The following MAD1L1 variants were observed in gnomAD, a reference collection of about 807,000 sequenced individuals.
The protein encoded by MAD1L1 is mitotic arrest deficient 1 like 1, also known as mitotic spindle assembly checkpoint protein MAD1.
Under a neutral mutation model 96.9 loss-of-function variants are expected in MAD1L1, and 95 were observed. The ratio of observed to expected loss-of-function variants is 0.98; its 90% CI spans 0.83 to 1.16. The LOEUF (loss-of-function observed/expected upper bound fraction) is 1.16. Ranked by LOEUF, MAD1L1 falls within the 50% of genes most tolerant of loss-of-function variation. The pLI, the probability that MAD1L1 is intolerant of heterozygous loss-of-function variation, is 0.00. For missense variants in MAD1L1, 1,007 were observed against 954.4 expected (o/e 1.06, Z -0.73); for synonymous variants, 473 against 396.6 (o/e 1.19, Z -2.29).
rs985665716 is a variant in MAD1L1 at position 2,119,027 on chromosome 7, G to T, written c.1073+30125C>A. ...GGCTCGCCCCAGCCTCCAGCCCCAC[G>T]TGACGGTCTGCCTCCCAGACCCCTG... On this transcript the variant is annotated intron_variant, in intron 11 of 18. Transcript: ENST00000265854. This position sits in a 1 kb window ranked among gnomAD's most constrained non-coding sequence, Gnocchi z 4.6. Among the ~76,000 whole-genome samples the T allele has an allele frequency of 6.6e-6, 1 of 152,002 alleles. No individual in the cohort carries two copies. The highest frequency in any genetic ancestry group is 1.5e-5 in the Non-Finnish European group (1 of 67,990).
intron 11 of MAD1L1, among the ~76,000 whole-genome samples, chr7:2,095,064 G>A (rs1032486768): frequency 6.3e-4 from 95 of 151,184 alleles, no homozygotes; most frequent in Non-Finnish European, 1.8e-4. Flanking sequence ...TTTTTTTGAG[G>A]CAGAGTCTCG....
At chr7:2,012,873 GC>G (rs1472488683) in intron 13 of MAD1L1, among the ~76,000 whole-genome samples, 1 of 152,184 alleles carries the variant, frequency 6.6e-6, no homozygotes, top group East Asian at 1.9e-4. Flanking sequence ...GAGCCTCTGT[GC>G]CCACGCCCCC....
chr7:1,884,324 C>G (rs574093154), intron 18 of MAD1L1, among the ~76,000 whole-genome samples: 2 of 152,222 alleles, frequency 1.3e-5, no homozygotes, highest in Non-Finnish European at 2.9e-5. Flanking sequence ...CCAGTGCACC[C>G]CTAGCCACCG....
chr7:1,915,204 C>T (rs1788298921), intron 17 of MAD1L1, among the ~76,000 whole-genome samples: 1 of 152,170 alleles, frequency 6.6e-6, no homozygotes, highest in African/African-American at 2.4e-5. Context: ...GAACCCCCTG[C>T]CCTAATGGAT....
chr7:1,841,611 C>T (rs1205197907), intron 18 of MAD1L1, among the ~76,000 whole-genome samples: 2 of 152,234 alleles, frequency 1.3e-5, no homozygotes, highest in Admixed American at 6.5e-5. Flanking sequence ...AGTGGCCGGG[C>T]GCCTGCCTGA....
chr7:2,098,358 C>T (rs1786606568), intron 11 of MAD1L1, among the ~76,000 whole-genome samples: 1 of 152,210 alleles, frequency 6.6e-6, no homozygotes, highest in Non-Finnish European at 1.5e-5. Flanking sequence ...CCCAGGTGCT[C>T]AGTCCAGACA....
At chr7:2,179,128 G>A (rs1364184929) in intron 10 of MAD1L1, among the ~76,000 whole-genome samples, 4 of 152,252 alleles carry the variant, frequency 2.6e-5, no homozygotes, top group South Asian at 2.1e-4. Context: ...ACAGCAATCC[G>A]GGAACGTTTG....
intron 17 of MAD1L1, among the ~76,000 whole-genome samples, chr7:1,925,424 T>C (rs1789032313): frequency 6.6e-6 from 1 of 152,212 alleles, no homozygotes; most frequent in Non-Finnish European, 1.5e-5. Flanking sequence ...ACCCGAAGTT[T>C]ATAGGCTCAC....
At chr7:1,912,472 A>G (rs1049399125) in intron 17 of MAD1L1, among the ~76,000 whole-genome samples, 25 of 152,230 alleles carry the variant, frequency 1.6e-4, no homozygotes, top group Non-Finnish European at 2.8e-4. Context: ...CAGGCCCTGC[A>G]CGGAGATGCC....
At chr7:2,120,540 A>G (rs1787926250) in intron 11 of MAD1L1, among the ~76,000 whole-genome samples, 1 of 152,202 alleles carries the variant, frequency 6.6e-6, no homozygotes, top group African/African-American at 2.4e-5. Flanking sequence ...CCCCACACCC[A>G]GGGCGCTGCC....
At chr7:2,075,733 C>T (rs772692713) in intron 11 of MAD1L1, among the ~76,000 whole-genome samples, 4 of 152,216 alleles carry the variant, frequency 2.6e-5, no homozygotes, top group Non-Finnish European at 5.9e-5. Context: ...TACCGACTTT[C>T]AAGGAACAAC....
chr7:2,224,001 C>G (rs1420318359), intron 4 of MAD1L1, among the ~76,000 whole-genome samples: 2 of 152,116 alleles, frequency 1.3e-5, no homozygotes, highest in Non-Finnish European at 2.9e-5. Context: ...AGGTGTAAGC[C>G]CAGTCACCTG....
At chr7:2,172,855 C>T (rs918820525) in intron 10 of MAD1L1, among the ~76,000 whole-genome samples, 3 of 152,186 alleles carry the variant, frequency 2.0e-5, no homozygotes, top group Non-Finnish European at 2.9e-5. Flanking sequence ...CAGAGGTGCT[C>T]GAGGCTGCCC....
chr7:1,847,402 G>C (rs1333852064), intron 18 of MAD1L1: 1 of 470,772 alleles, frequency 2.1e-6, no homozygotes, highest in Admixed American at 2.3e-5. Flanking sequence ...GGGAAGATGT[G>C]GGGGGCCCGA....
At chr7:1,972,906 C>A (rs543357039) in intron 15 of MAD1L1, among the ~76,000 whole-genome samples, 1 of 152,162 alleles carries the variant, frequency 6.6e-6, no homozygotes, top group Non-Finnish European at 1.5e-5. Context: ...ACCTCCTCCC[C>A]CACACGGGCA....
intron 9 of MAD1L1, 99 bp downstream of exon 9, chr7:2,215,786 G>A: frequency 9.3e-7 from 1 of 1,078,024 alleles, no homozygotes; most frequent in South Asian, 1.3e-5. Context: ...CAACCTCCAT[G>A]TTGTAGGTGA....
Position 2,225,509 on chromosome 7 carries a change from G to A in MAD1L1, c.192C>T (p.Leu64=), listed in dbSNP as rs373521084. 1.2e-6 allele frequency: 2 copies of A among 1,613,914 alleles called. No homozygotes were observed. Among genetic ancestry groups the A allele is most frequent in the Non-Finnish European group, 1.7e-6 (2 of 1,179,964 alleles). The change falls in exon 4 of 19, where the codon CTC becomes CTT. Residue 64 remains leucine (L), a synonymous_variant. Transcript: ENST00000265854. ...RAEQIRSKSH[L]IQVEREKMQM... Reference sequence around the variant, plus strand: ...GCATTTTCTCCCGCTCCACCTGGATGAGGTGGGACTTCGAACGGATCTGCT... The same window carrying A: ...GCATTTTCTCCCGCTCCACCTGGATAAGGTGGGACTTCGAACGGATCTGCT...
intron 11 of MAD1L1, among the ~76,000 whole-genome samples, chr7:2,113,641 C>CTTA (rs1390235109): frequency 5.3e-5 from 8 of 152,132 alleles, no homozygotes; most frequent in Non-Finnish European, 8.8e-5. Context: ...CCCCAAGATA[C>CTTA]TTATTATCAG....
intron 18 of MAD1L1, among the ~76,000 whole-genome samples, chr7:1,889,019 C>G (rs965262355): frequency 6.6e-6 from 1 of 152,226 alleles, no homozygotes; most frequent in Admixed American, 6.5e-5. Flanking sequence ...GGCAGGGATC[C>G]ACTCAGCGCA....
Sources: gnomAD v4.1 joint callset for allele counts (sites outside exome capture counted in the v4.1 genomes callset) on GRCh38, gnomAD v4.1.1 for gene constraint, Gnocchi (gnomAD v3.1) non-coding constraint, MANE v1.5 for transcripts, NCBI Gene and HGNC (gene_info 2026-07-23, HGNC 2026-07-21) for gene names.